CNTLN: variants seen among roughly 807,000 people sequenced by gnomAD.
The protein encoded by CNTLN is centlein.
Under a neutral mutation model 180.0 loss-of-function variants are expected in CNTLN, and 212 were observed. The ratio of observed to expected loss-of-function variants is 1.18; its 90% CI spans 1.05 to 1.32. The LOEUF (loss-of-function observed/expected upper bound fraction) is 1.32, where lower values mean the gene tolerates loss of function less well. Among genes scored for constraint, CNTLN ranks in the 40% most tolerant of loss-of-function variants. The pLI is 0.00. For synonymous variants in CNTLN, 722 were observed against 563.1 expected (o/e 1.28, Z -3.99); for missense variants, 2,095 against 1,610.9 (o/e 1.30, Z -5.14).
the CNTLN span, among the ~76,000 whole-genome samples, chr9:17,518,529 A>G: frequency 6.6e-6 from 1 of 152,146 alleles, no homozygotes; most frequent in Non-Finnish European, 1.5e-5. Context: ...CAACTGAAAT[A>G]TTATCTGATA....
chr9:17,422,820 CTT>C (rs919021902), intron 18 of CNTLN, among the ~76,000 whole-genome samples: 4 of 152,098 alleles, frequency 2.6e-5, no homozygotes, highest in Non-Finnish European at 5.9e-5. Context: ...TTATCCTAAT[CTT>C]TGGATTCTGG....
chr9:17,354,067 C>G (rs1217368091), intron 12 of CNTLN, among the ~76,000 whole-genome samples: 3 of 152,238 alleles, frequency 2.0e-5, no homozygotes, highest in Non-Finnish European at 4.4e-5. Context: ...CAATGAGGGA[C>G]TTAGCACCCG....
At chr9:17,283,747 T>A (rs959343903) in intron 6 of CNTLN, among the ~76,000 whole-genome samples, 1 of 152,156 alleles carries the variant, frequency 6.6e-6, no homozygotes, top group African/African-American at 2.4e-5. Flanking sequence ...CATAAATGGC[T>A]CATTATTTTG....
At chr9:17,238,074 G>A (rs965898798) in intron 5 of CNTLN, among the ~76,000 whole-genome samples, 12 of 151,720 alleles carry the variant, frequency 7.9e-5, no homozygotes, top group Non-Finnish European at 1.5e-4. Flanking sequence ...ATCAGTTCTG[G>A]GATTTGCTGT....
At chr9:17,240,053 G>C (rs749224497) in intron 5 of CNTLN, among the ~76,000 whole-genome samples, 5 of 152,136 alleles carry the variant, frequency 3.3e-5, no homozygotes, top group Non-Finnish European at 7.3e-5. Flanking sequence ...AGTTTGGGGA[G>C]TATTACCATC....
intron 25 of CNTLN, among the ~76,000 whole-genome samples, chr9:17,490,840 G>A (rs2134355823): frequency 6.6e-6 from 1 of 152,148 alleles, no homozygotes; most frequent in Middle Eastern, 3.4e-3. Flanking sequence ...CACGTGTGTT[G>A]TGCCCCCCAC....
chr9:17,278,533 G>T (rs1215413776), intron 6 of CNTLN, among the ~76,000 whole-genome samples: 1 of 151,884 alleles, frequency 6.6e-6, no homozygotes, highest in Non-Finnish European at 1.5e-5. Context: ...TTTATTCCTA[G>T]CTCTTTCATG....
At chr9:17,526,619 C>G in the CNTLN span, among the ~76,000 whole-genome samples, 1 of 152,186 alleles carries the variant, frequency 6.6e-6, no homozygotes, top group Non-Finnish European at 1.5e-5. Flanking sequence ...CATAAAGGGT[C>G]TGGACATACT....
intron 18 of CNTLN, among the ~76,000 whole-genome samples, chr9:17,453,260 C>G (rs2134128655): frequency 6.6e-6 from 1 of 152,126 alleles, no homozygotes; most frequent in East Asian, 1.9e-4. Flanking sequence ...CTGTAATGGG[C>G]TATGATTGAG....
At chr9:17,242,344 G>C (rs537889702) in intron 5 of CNTLN, among the ~76,000 whole-genome samples, 3 of 151,402 alleles carry the variant, frequency 2.0e-5, no homozygotes, top group Non-Finnish European at 4.4e-5. Flanking sequence ...GAGTCTCGCT[G>C]TGTCACCCAG....
At chr9:17,420,574 T>C (rs150924558) in intron 18 of CNTLN, among the ~76,000 whole-genome samples, 1 of 152,130 alleles carries the variant, frequency 6.6e-6, no homozygotes, top group Non-Finnish European at 1.5e-5. Flanking sequence ...CTGATCTTTA[T>C]TATTTCTTTT....
At chr9:17,491,332 T>C (rs1357134468) in intron 25 of CNTLN, among the ~76,000 whole-genome samples, 2 of 152,130 alleles carry the variant, frequency 1.3e-5, no homozygotes, top group Non-Finnish European at 2.9e-5. Flanking sequence ...TAATAGAATT[T>C]ACACTTCTGG....
intron 8 of CNTLN, among the ~76,000 whole-genome samples, chr9:17,321,031 CA>C (rs1417571797): frequency 6.6e-6 from 1 of 152,092 alleles, no homozygotes; most frequent in African/African-American, 2.4e-5. Context: ...TTTTGTTTTT[CA>C]AAACAAATTT....
At chr9:17,393,587 C>A (rs910621208) in intron 14 of CNTLN, among the ~76,000 whole-genome samples, 2 of 152,148 alleles carry the variant, frequency 1.3e-5, no homozygotes, top group African/African-American at 4.8e-5. Flanking sequence ...TTTTCAGAAC[C>A]TCTCTTTCCT....
intron 15 of CNTLN, among the ~76,000 whole-genome samples, chr9:17,407,008 A>G (rs896499266): frequency 6.7e-6 from 1 of 149,470 alleles, no homozygotes; most frequent in Admixed American, 6.7e-5. Context: ...GGCCAAACAA[A>G]AAAGAGGAAT....
At chr9:17,517,420 T>C in the CNTLN span, among the ~76,000 whole-genome samples, 1 of 149,978 alleles carries the variant, frequency 6.7e-6, no homozygotes. Flanking sequence ...AAGTTAAAAA[T>C]AAATAAAAAT....
chr9:17,337,701 A>G (rs1821147672), intron 10 of CNTLN, among the ~76,000 whole-genome samples: 1 of 152,182 alleles, frequency 6.6e-6, no homozygotes, highest in Admixed American at 6.5e-5. Context: ...CATGAATTCA[A>G]TGACTAATGG....
At chr9:17,395,887 C>T (rs1415497327) in intron 15 of CNTLN, among the ~76,000 whole-genome samples, 1 of 152,128 alleles carries the variant, frequency 6.6e-6, no homozygotes, top group African/African-American at 2.4e-5. Context: ...TGCTGGGCTG[C>T]ATTTCCAGAT....
chr9:17,461,951 A>C (rs913496800), intron 19 of CNTLN, among the ~76,000 whole-genome samples: 4 of 151,820 alleles, frequency 2.6e-5, no homozygotes, highest in African/African-American at 9.7e-5. Flanking sequence ...GGCTCTACTG[A>C]CAACAAATAC....
Sources: gnomAD v4.1 joint callset for allele counts (sites outside exome capture counted in the v4.1 genomes callset) on GRCh38, gnomAD v4.1.1 for gene constraint, MANE v1.5 for transcripts, NCBI Gene and HGNC (gene_info 2026-07-23, HGNC 2026-07-21) for gene names.